Variants in PARP15 observed in about 807,000 individuals in gnomAD.
PARP15 encodes protein mono-ADP-ribosyltransferase PARP15.
PARP15 carries 50 observed loss-of-function variants against 62.1 expected under a neutral mutation model. That is an observed-to-expected ratio of 0.81 (90% CI 0.64 to 1.02). The LOEUF (loss-of-function observed/expected upper bound fraction) is 1.02, where lower values mean the gene tolerates loss of function less well. PARP15 is among the 50% of genes least tolerant of loss of function. PARP15 has a pLI of 0.00. For missense variants in PARP15, 820 were observed against 826.5 expected, an observed-to-expected ratio of 0.99 and a Z score of 0.10; for synonymous variants, 309 against 293.1, an observed-to-expected ratio of 1.05 and a Z score of -0.55.
At chr3:122,583,811 T>C (rs1397126110) in intron 1 of PARP15, among the ~76,000 whole-genome samples, 3 of 152,192 alleles carry the variant, frequency 2.0e-5, no homozygotes, top group Admixed American at 2.0e-4. Context: ...AGCTCTTTTG[T>C]CATTTGAGAC....
rs1576475164 is a variant in PARP15 at position 122,586,056 on chromosome 3, G to A, written c.186+8203G>A. ...TTCTACTACTTTTGGGGTGTTAAAA[G>A]TTAAAAATTGTAACCCATCAGTGTT... On this transcript the variant is annotated intron_variant, in intron 1 of 11. Coordinates refer to ENST00000464300, the MANE Select transcript of PARP15 (RefSeq NM_001113523.3). Among the ~76,000 whole-genome samples the A allele has an allele frequency of 3.9e-5, 6 of 152,254 alleles. No individual in the cohort carries two copies. The South Asian group carries it at 1.2e-3, about 32-fold the overall frequency.
intron 8 of PARP15, among the ~76,000 whole-genome samples, chr3:122,623,879 C>A (rs1007550427): frequency 2.0e-5 from 3 of 152,200 alleles, no homozygotes; most frequent in African/African-American, 7.2e-5. Flanking sequence ...CTCAGGGGCT[C>A]ACGCCTGTAA....
intron 1 of PARP15, chr3:122,594,878 C>T: frequency 6.1e-6 from 6 of 978,840 alleles, no homozygotes; most frequent in Non-Finnish European, 7.3e-6. Context: ...AATGTAATTA[C>T]ATAACAATTT....
At chr3:122,615,543 G>A in intron 4 of PARP15, 1 of 1,143,220 alleles carries the variant, frequency 8.7e-7, no homozygotes, top group Non-Finnish European at 1.2e-6. Context: ...CACCCCTGCT[G>A]ACATACTTGC....
chr3:122,601,498 A>G (rs1371466518), intron 1 of PARP15, among the ~76,000 whole-genome samples: 1 of 152,174 alleles, frequency 6.6e-6, no homozygotes, highest in Non-Finnish European at 1.5e-5. Flanking sequence ...CCAGAATGTC[A>G]TATAGTTAAA....
chr3:122,597,013 A>G (rs749857808), intron 1 of PARP15, among the ~76,000 whole-genome samples: 10 of 152,226 alleles, frequency 6.6e-5, no homozygotes, highest in Non-Finnish European at 1.2e-4. Context: ...ACAACAAAAT[A>G]CCTTAGACCA....
chr3:122,615,689 C>G (rs781210434), intron 4 of PARP15, 90 bp from the exon 5 acceptor site: 1 of 1,597,128 alleles, frequency 6.3e-7, no homozygotes. Flanking sequence ...TTGTTATCAA[C>G]TCTTTGATAT....
chr3:122,598,718 C>T (rs1454699807), intron 1 of PARP15, among the ~76,000 whole-genome samples: 1 of 152,076 alleles, frequency 6.6e-6, no homozygotes, highest in East Asian at 1.9e-4. Context: ...CGCAAAGGCT[C>T]AATGACCAGG....
chr3:122,625,504 T>A (rs1936664139), intron 8 of PARP15, among the ~76,000 whole-genome samples: 1 of 152,310 alleles, frequency 6.6e-6, no homozygotes, highest in East Asian at 1.9e-4. Context: ...TCTGCACGCC[T>A]TGGCCTCCCA....
rs367745418 is a variant in PARP15, at chr3:122,617,138, C to T, written c.974C>T (p.Thr325Ile). The T allele has an allele frequency of 8.1e-6, 13 of 1,613,114 alleles. No individual in the cohort carries two copies. The highest frequency in any genetic ancestry group is 2.2e-5 in the East Asian group (1 of 44,860). The change falls in exon 6 of 12, where the codon ACA (threonine) becomes ATA (isoleucine). Residue 325 changes from threonine to isoleucine, a missense_variant. Physicochemically the swap from Thr to Ile is moderately conservative, Grantham distance 89. This residue lies in a region of PARP15 where 731 missense variants were observed against 727.7 expected (regional missense o/e 1.00). Coordinates refer to ENST00000464300, the MANE Select transcript of PARP15 (RefSeq NM_001113523.3). The stretch of plus-strand genomic sequence containing the variant: ...CAGGTAGATGTTATTGTAAACTCAA[C>T]AGCAAGGACATTTAATCGGAAATCA... Reference protein sequence around the residue: ...TEQVDVIVNSTARTFNRKSGV... With the variant: ...TEQVDVIVNSIARTFNRKSGV...
At chr3:122,612,038 T>TTC (rs66886854) in intron 3 of PARP15, among the ~76,000 whole-genome samples, 49,357 of 151,094 alleles carry the variant, frequency 0.33, 11,822 homozygotes, top group African/African-American at 0.69. Context: ...TTAGTTGAGA[T>TTC]TCTCTTTCTC....
At chr3:122,614,342 C>A (rs1474216859) in intron 4 of PARP15, among the ~76,000 whole-genome samples, 1 of 152,136 alleles carries the variant, frequency 6.6e-6, no homozygotes, top group Non-Finnish European at 1.5e-5. Flanking sequence ...TAAACTGGAT[C>A]AAAGATAATT....
intron 9 of PARP15, among the ~76,000 whole-genome samples, chr3:122,631,698 C>A (rs1340017287): frequency 6.6e-6 from 1 of 152,044 alleles, no homozygotes; most frequent in Non-Finnish European, 1.5e-5. Flanking sequence ...TAATCATTTT[C>A]AAAAAATAGA....
At chr3:122,578,139 A>G (rs2080723701) in intron 1 of PARP15, among the ~76,000 whole-genome samples, 1 of 151,146 alleles carries the variant, frequency 6.6e-6, no homozygotes, top group Non-Finnish European at 1.5e-5. Context: ...TGTTATGAAT[A>G]TGTCCTCCCA....
At chr3:122,604,951 A>T (rs28633287) in intron 1 of PARP15, among the ~76,000 whole-genome samples, 6,159 of 152,238 alleles carry the variant, frequency 0.04, 163 homozygotes, top group South Asian at 0.063. Context: ...CAGGAGAATC[A>T]CTTGAATCCG....
In PARP15 at chr3:122,638,504, G is replaced by A. The variant is rs974054444; in HGVS notation, c.*2404G>A. 6.6e-5 allele frequency: 10 copies of A among 152,140 alleles called. No individual in the cohort carries two copies. Among genetic ancestry groups the A allele is most frequent in the African/African-American group, 2.4e-4 (10 of 41,414 alleles). 9.4% of individuals were successfully genotyped at this position (152,140 alleles called of 1,614,324 possible). The stretch of plus-strand genomic sequence containing the variant: ...AATGATTGCCATTCTAACGGGTGTG[G>A]GATGGTATCTCATTGTTGTTTTGAT... On this transcript the variant is annotated 3_prime_UTR_variant, in exon 12 of 12. Transcript: ENST00000464300.
intron 1 of PARP15, among the ~76,000 whole-genome samples, chr3:122,579,831 T>C (rs1266403744): frequency 6.6e-6 from 1 of 150,850 alleles, no homozygotes; most frequent in Non-Finnish European, 1.5e-5. Context: ...ATACAAAAAT[T>C]AGCCAGGCAT....
chr3:122,616,416 G>A (rs543282668), intron 5 of PARP15, among the ~76,000 whole-genome samples: 74 of 140,372 alleles, frequency 5.3e-4, no homozygotes, highest in African/African-American at 1.9e-3. Context: ...TACAAACCCC[G>A]CCTCCTGGGT....
intron 9 of PARP15, 142 bp downstream of exon 9, chr3:122,627,175 G>T: frequency 1.3e-6 from 1 of 752,462 alleles, no homozygotes. Flanking sequence ...CATGGGAAAA[G>T]TATAAAAATT....
Sources: allele counts gnomAD v4.1 joint callset (sites outside exome capture counted in the v4.1 genomes callset), GRCh38; gene constraint gnomAD v4.1.1; regional missense constraint gnomAD v4.1.1; transcripts MANE v1.5; gene names NCBI Gene and HGNC (gene_info 2026-07-23, HGNC 2026-07-21).